ELAVL4: variants seen among roughly 807,000 people sequenced by gnomAD.
The protein encoded by ELAVL4 is ELAV-like protein 4.
ELAVL4 carries 1 observed loss-of-function variant against 35.6 expected under a neutral mutation model. The ratio of observed to expected loss-of-function variants is 0.03; its 90% CI spans 0.01 to 0.13. The LOEUF is 0.13. Ranked by LOEUF, ELAVL4 falls within the 10% of genes least tolerant of loss-of-function variation. The probability of loss-of-function intolerance (pLI) is 1.00; values close to 1 mark genes in which losing one functional copy is unlikely to be tolerated. For missense variants in ELAVL4, 267 were observed against 464.9 expected, an observed-to-expected ratio of 0.57 and a Z score of 3.91; for synonymous variants, 156 against 171.0, an observed-to-expected ratio of 0.91 and a Z score of 0.69.
chr1:50,171,861 A>T (rs1270910076), intron 2 of ELAVL4, among the ~76,000 whole-genome samples: 2 of 152,234 alleles, frequency 1.3e-5, no homozygotes, highest in Non-Finnish European at 2.9e-5. Flanking sequence ...GTTGGCTGCA[A>T]TTAACCTAGT....
intron 1 of ELAVL4, among the ~76,000 whole-genome samples, chr1:50,113,500 G>A (rs1047576330): frequency 2.6e-5 from 4 of 151,984 alleles, no homozygotes; most frequent in Non-Finnish European, 5.9e-5. Flanking sequence ...ATGATCTGTG[G>A]CCACCAGGCA....
intron 1 of ELAVL4, among the ~76,000 whole-genome samples, chr1:50,075,909 C>T (rs749931009): frequency 2.6e-5 from 4 of 152,172 alleles, no homozygotes; most frequent in Non-Finnish European, 2.9e-5. Context: ...CTCGCTGCAA[C>T]CTCCACCTCC....
chr1:50,079,430 A>G (rs1318066598), intron 1 of ELAVL4, among the ~76,000 whole-genome samples: 1 of 152,192 alleles, frequency 6.6e-6, no homozygotes, highest in African/African-American at 2.4e-5. Context: ...CCCTTCCATG[A>G]GAAGCTCTGA....
intron 1 of ELAVL4, among the ~76,000 whole-genome samples, chr1:50,132,011 G>A (rs1031889834): frequency 1.3e-5 from 2 of 152,050 alleles, no homozygotes; most frequent in African/African-American, 4.8e-5. Context: ...GCAGAGGACA[G>A]AGAATATTAG....
intron 1 of ELAVL4, among the ~76,000 whole-genome samples, chr1:50,143,871 G>T (rs1326114848): frequency 6.6e-6 from 1 of 152,132 alleles, no homozygotes; most frequent in African/African-American, 2.4e-5. Flanking sequence ...TGTTGAGCTA[G>T]ATTTTGTTCC....
intron 2 of ELAVL4, among the ~76,000 whole-genome samples, chr1:50,152,164 G>T (rs1054428218): frequency 6.6e-6 from 1 of 152,016 alleles, no homozygotes; most frequent in African/African-American, 2.4e-5. Flanking sequence ...ACCAGGTATG[G>T]TTTCCTTTTG....
At chr1:50,144,652 T>C (rs1673372970) in intron 1 of ELAVL4, 1 of 552,174 alleles carries the variant, frequency 1.8e-6, no homozygotes, top group South Asian at 1.5e-5. Context: ...GGCTTAAGTA[T>C]ACATTTCTGA....
intron 2 of ELAVL4, among the ~76,000 whole-genome samples, chr1:50,156,175 C>T (rs1038858121): frequency 6.6e-6 from 1 of 152,216 alleles, no homozygotes; most frequent in African/African-American, 2.4e-5. Flanking sequence ...TTGAGACAGA[C>T]TTCACTGAAA....
chr1:50,174,142 TG>T (rs1190948768), intron 2 of ELAVL4, among the ~76,000 whole-genome samples: 5 of 152,224 alleles, frequency 3.3e-5, no homozygotes, highest in African/African-American at 1.2e-4. Flanking sequence ...AAGTAAAGCT[TG>T]GGTTTTTTTA....
At chr1:50,185,573 T>C (rs979361009) in intron 3 of ELAVL4, among the ~76,000 whole-genome samples, 3 of 152,208 alleles carry the variant, frequency 2.0e-5, no homozygotes, top group Admixed American at 6.5e-5. Flanking sequence ...GTACTTGATC[T>C]CACTGAGCCA....
At chr1:50,051,700 G>A (rs943244760) in intron 1 of ELAVL4, among the ~76,000 whole-genome samples, 33 of 152,002 alleles carry the variant, frequency 2.2e-4, no homozygotes, top group Non-Finnish European at 4.4e-5. Context: ...ATCAACTTGT[G>A]ATTTTTTTAT....
chr1:50,048,228 C>T (rs1663170502), intron 1 of ELAVL4: 1 of 1,485,000 alleles, frequency 6.7e-7, no homozygotes. Flanking sequence ...CTCTGCCCGC[C>T]CTCTGTTACG....
At chr1:50,099,359 A>T (rs1454142258), upstream of ELAVL4, among the ~76,000 whole-genome samples, 1 of 152,018 alleles carries the variant, frequency 6.6e-6, no homozygotes, top group Non-Finnish European at 1.5e-5. Flanking sequence ...TCGGGAGTTC[A>T]AGACCAGCCT....
upstream of ELAVL4, among the ~76,000 whole-genome samples, chr1:50,099,529 C>T (rs529844168): frequency 1.5e-4 from 22 of 145,326 alleles, no homozygotes; most frequent in Admixed American, 1.5e-3. Flanking sequence ...CACTGCACTT[C>T]CAGCCTGGGT....
chr1:50,203,011 G>T lies in ELAVL4; in HGVS notation c.*1833G>T, dbSNP rs1259298747. ...GATCATTTTAGTATGTTTGTGCTTTGTACGGTTATATATTTAAAACGAAAA... is the reference window on the plus strand; with the variant it reads ...GATCATTTTAGTATGTTTGTGCTTTTTACGGTTATATATTTAAAACGAAAA... On this transcript the variant is annotated 3_prime_UTR_variant, in exon 7 of 7. Transcript: ENST00000371824. The T allele has an allele frequency of 6.6e-6, 1 of 152,210 alleles. No individual in the cohort carries two copies. The highest frequency in any genetic ancestry group is 1.9e-4 in the East Asian group (1 of 5,180). The allele number at this position is 152,210 out of a possible 1,614,324, so 9.4% of individuals were successfully genotyped here.
chr1:50,048,314 G>A, intron 1 of ELAVL4: 1 of 1,209,686 alleles, frequency 8.3e-7, no homozygotes. Context: ...CCAGGGAGGG[G>A]GAGAGGGCCC....
At chr1:50,200,292 C>T (rs1478825030) in intron 6 of ELAVL4, among the ~76,000 whole-genome samples, 1 of 151,908 alleles carries the variant, frequency 6.6e-6, no homozygotes. Context: ...TTAGGGCCAT[C>T]TCCTAATCTG....
intron 2 of ELAVL4, among the ~76,000 whole-genome samples, chr1:50,151,215 A>T (rs1674724598): frequency 6.6e-6 from 1 of 152,200 alleles, no homozygotes; most frequent in Non-Finnish European, 1.5e-5. Context: ...TTTGCCCCAA[A>T]ATACTAAACT....
chr1:50,119,080 G>T (rs1668568982), intron 1 of ELAVL4, among the ~76,000 whole-genome samples: 1 of 134,596 alleles, frequency 7.4e-6, no homozygotes, highest in African/African-American at 2.9e-5. Flanking sequence ...AAGAAAGAAA[G>T]AAAGAAAGAA....
Sources: gnomAD v4.1 joint callset for allele counts (sites outside exome capture counted in the v4.1 genomes callset) on GRCh38, gnomAD v4.1.1 for gene constraint, MANE v1.5 for transcripts, NCBI Gene and HGNC (gene_info 2026-07-23, HGNC 2026-07-21) for gene names.